The following NKAIN3 variants were observed in gnomAD, a reference collection of about 807,000 sequenced individuals.
The protein encoded by NKAIN3 is sodium/potassium transporting ATPase interacting 3.
NKAIN3 carries 25 observed loss-of-function variants against 30.2 expected under a neutral mutation model. The ratio of observed to expected loss-of-function variants is 0.83; its 90% CI spans 0.60 to 1.16. The LOEUF (loss-of-function observed/expected upper bound fraction) is 1.16, where lower values mean the gene tolerates loss of function less well. NKAIN3 is among the 50% of genes most tolerant of loss of function. The pLI, the probability that NKAIN3 is intolerant of heterozygous loss-of-function variation, is 0.00. For missense variants in NKAIN3, 225 were observed against 254.1 expected, an observed-to-expected ratio of 0.89 and a Z score of 0.78; for synonymous variants, 91 against 89.6, an observed-to-expected ratio of 1.02 and a Z score of -0.09.
chr8:62,988,282 T>C (rs553040921), downstream of NKAIN3, among the ~76,000 whole-genome samples: 45 of 152,336 alleles, frequency 3.0e-4, no homozygotes, highest in Non-Finnish European at 5.1e-4. Flanking sequence ...TGAAGGATGG[T>C]GACCCTCTTC....
intron 1 of NKAIN3, among the ~76,000 whole-genome samples, chr8:62,419,041 T>C (rs568960389): frequency 3.3e-5 from 5 of 152,272 alleles, no homozygotes; most frequent in African/African-American, 1.2e-4. Flanking sequence ...TGAGTGGTGG[T>C]AAAAGGAGCC....
chr8:62,824,770 A>G (rs1818967883), intron 4 of NKAIN3, among the ~76,000 whole-genome samples: 1 of 152,066 alleles, frequency 6.6e-6, no homozygotes, highest in Non-Finnish European at 1.5e-5. Flanking sequence ...CACAAGCTTT[A>G]TATCTACCAC....
chr8:62,292,987 C>T lies in NKAIN3; in HGVS notation c.54+43860C>T, dbSNP rs190114558. Among the ~76,000 whole-genome samples, 544 of 152,190 alleles carry T rather than the reference C, an allele frequency of 3.6e-3. 2 individuals carry two copies. Among genetic ancestry groups the T allele is most frequent in the African/African-American group, 0.011 (470 of 41,546 alleles). ...CACTTCATTTCATTCATTTGATCTT[C>T]GGTCATTGATACCCTTTCTTCCACT... On this transcript the variant is annotated intron_variant, in intron 1 of 6. Coordinates refer to ENST00000623646, the MANE Select transcript of NKAIN3 (RefSeq NM_001304533.3).
chr8:62,869,671 C>T (rs1018723340), intron 4 of NKAIN3, among the ~76,000 whole-genome samples: 5 of 152,210 alleles, frequency 3.3e-5, no homozygotes, highest in Non-Finnish European at 7.3e-5. Flanking sequence ...GCACCAGCAA[C>T]CCCTTGCGGG....
intron 4 of NKAIN3, among the ~76,000 whole-genome samples, chr8:62,882,833 C>A (rs780311555): frequency 5.9e-5 from 9 of 152,092 alleles, no homozygotes; most frequent in Non-Finnish European, 1.2e-4. Flanking sequence ...GCTACCTTTG[C>A]TCCTTTATCA....
At chr8:62,608,913 T>C (rs1811205133) in intron 3 of NKAIN3, among the ~76,000 whole-genome samples, 1 of 152,130 alleles carries the variant, frequency 6.6e-6, no homozygotes, top group Non-Finnish European at 1.5e-5. Flanking sequence ...CTATGGACAA[T>C]AAAATCATGG....
Position 62,980,751 on chromosome 8 carries a change from G to T in NKAIN3, c.*15344G>T, listed in dbSNP as rs1824056937. On this transcript the variant is annotated 3_prime_UTR_variant, in exon 7 of 7. Coordinates refer to ENST00000623646, the MANE Select transcript of NKAIN3 (RefSeq NM_001304533.3). ...GAGCACCAAGTGAAATAACTGTGGA[G>T]AATGGAATGTTGGACAATTTGTGTG... 1.3e-5 allele frequency: 2 copies of T among 152,212 alleles called. No individual in the cohort carries two copies. The highest frequency in any genetic ancestry group is 2.9e-5 in the Non-Finnish European group (2 of 68,030). The allele number at this position is 152,212 out of a possible 1,614,324, so 9.4% of individuals were successfully genotyped here.
intron 1 of NKAIN3, among the ~76,000 whole-genome samples, chr8:62,435,389 C>A (rs966497955): frequency 1.3e-5 from 2 of 152,108 alleles, no homozygotes; most frequent in Non-Finnish European, 2.9e-5. Context: ...AAACCACACG[C>A]TGACAGAATT....
chr8:62,325,696 C>A (rs1489923441), intron 1 of NKAIN3, among the ~76,000 whole-genome samples: 1 of 152,008 alleles, frequency 6.6e-6, no homozygotes, highest in Non-Finnish European at 1.5e-5. Flanking sequence ...AAGGTGGTAT[C>A]TTATGATGGT....
At chr8:62,732,780 G>C (rs1815518492) in intron 3 of NKAIN3, among the ~76,000 whole-genome samples, 1 of 151,820 alleles carries the variant, frequency 6.6e-6, no homozygotes, top group Non-Finnish European at 1.5e-5. Flanking sequence ...TATTTTGTCT[G>C]ATACTAGTAT....
In NKAIN3 at chr8:62,654,669, C is replaced by A. The variant is rs563899397; in HGVS notation, c.273+64875C>A. Among the ~76,000 whole-genome samples the A allele has an allele frequency of 6.0e-4, 92 of 152,168 alleles. 1 individual carries two copies. Among genetic ancestry groups the A allele is most frequent in the Middle Eastern group, 3.4e-3 (1 of 294 alleles). On this transcript the variant is annotated intron_variant, in intron 3 of 6. Coordinates refer to ENST00000623646, the MANE Select transcript of NKAIN3 (RefSeq NM_001304533.3). Reference sequence around the variant, plus strand: ...AATATTATTCGTTTAAAATATAGACCAAACCATACTATCAATCACATGAAG... The same window carrying A: ...AATATTATTCGTTTAAAATATAGACAAAACCATACTATCAATCACATGAAG...
At chr8:62,900,186 A>T (rs1360613081) in intron 4 of NKAIN3, among the ~76,000 whole-genome samples, 1 of 152,190 alleles carries the variant, frequency 6.6e-6, no homozygotes, top group Non-Finnish European at 1.5e-5. Flanking sequence ...ACTCTAGATT[A>T]TTAGACACAA....
chr8:62,715,555 G>A (rs1814868832), intron 3 of NKAIN3, among the ~76,000 whole-genome samples: 1 of 152,086 alleles, frequency 6.6e-6, no homozygotes, highest in African/African-American at 2.4e-5. Context: ...CATCTGCAAG[G>A]TCAACATAAT....
At position 62,703,552 on chromosome 8, in the gene NKAIN3, A is replaced by G. The variant is rs184011085; in HGVS notation, c.274-43380A>G. 3.6e-4 allele frequency among the ~76,000 whole-genome samples: 55 copies of G among 152,086 alleles called. 1 individual carries two copies. The East Asian group carries it at 6.9e-3, about 19-fold the overall frequency. On this transcript the variant is annotated intron_variant, in intron 3 of 6. Transcript: ENST00000623646. ...TAATTGCCAGTTTCATTTCTTGAGA[A>G]CTCCCTCCTAAAATCTTTTGCGGTA...
intron 1 of NKAIN3, among the ~76,000 whole-genome samples, chr8:62,518,327 T>G (rs1031452638): frequency 6.6e-6 from 1 of 152,110 alleles, no homozygotes; most frequent in African/African-American, 2.4e-5. Flanking sequence ...GCCACTGCAC[T>G]CCAGGCTGAG....
At chr8:62,760,858 A>G (rs994454497) in intron 4 of NKAIN3, among the ~76,000 whole-genome samples, 3 of 152,216 alleles carry the variant, frequency 2.0e-5, no homozygotes, top group African/African-American at 7.2e-5. Flanking sequence ...ATTTTAATTT[A>G]AGGAAGAGAG....
intron 1 of NKAIN3, among the ~76,000 whole-genome samples, chr8:62,435,942 A>G (rs966480750): frequency 9.2e-5 from 14 of 152,200 alleles, no homozygotes; most frequent in Admixed American, 3.3e-4. Context: ...TATTCTACAC[A>G]GTATGCCTTT....
At chr8:62,501,518 G>C (rs551730595) in intron 1 of NKAIN3, among the ~76,000 whole-genome samples, 1 of 152,152 alleles carries the variant, frequency 6.6e-6, no homozygotes, top group Non-Finnish European at 1.5e-5. Flanking sequence ...TCTGTTTGCA[G>C]CTGATTCCAA....
intron 3 of NKAIN3, among the ~76,000 whole-genome samples, chr8:62,649,328 G>A (rs1382465485): frequency 6.6e-6 from 1 of 152,142 alleles, no homozygotes; most frequent in African/African-American, 2.4e-5. Context: ...CCCAGGGTCA[G>A]TAAATGGTCC....
Sources: gnomAD v4.1 joint callset for allele counts (sites outside exome capture counted in the v4.1 genomes callset) on GRCh38, gnomAD v4.1.1 for gene constraint, MANE v1.5 for transcripts, NCBI Gene and HGNC (gene_info 2026-07-23, HGNC 2026-07-21) for gene names.